Variants in HEPACAM observed in about 807,000 individuals in gnomAD.
HEPACAM encodes hepatocyte cell adhesion molecule.
In HEPACAM, 18 loss-of-function variants were observed where a neutral mutation model predicts 38.3. The observed-to-expected ratio is 0.47, with a 90% CI of 0.33 to 0.70. The LOEUF (loss-of-function observed/expected upper bound fraction) is 0.70, where lower values mean the gene tolerates loss of function less well. Ranked by LOEUF, HEPACAM falls within the 30% of genes least tolerant of loss-of-function variation. The pLI is 0.03. For synonymous variants in HEPACAM, 216 were observed against 243.1 expected (o/e 0.89, Z 1.04); for missense variants, 466 against 563.0 (o/e 0.83, Z 1.74).
chr11:124,923,002 G>A (rs1018019727), intron 4 of HEPACAM, among the ~76,000 whole-genome samples, 184 bp from the exon 5 acceptor site: 4 of 152,124 alleles, frequency 2.6e-5, no homozygotes, highest in Non-Finnish European at 4.4e-5. Context: ...TGTCACTAGC[G>A]TTGTGACTGT....
At chr11:124,925,548 T>C (rs1052833953) in intron 1 of HEPACAM, among the ~76,000 whole-genome samples, 1 of 152,094 alleles carries the variant, frequency 6.6e-6, no homozygotes, top group Non-Finnish European at 1.5e-5. Context: ...GGTGAGGAGA[T>C]GGAGAAAGCA....
chr11:124,920,677 GCAAAAA>G lies in HEPACAM; in HGVS notation c.*455_*460del, dbSNP rs1451019294. 1,953 of 106,822 alleles carry G rather than the reference GCAAAAA, an allele frequency of 0.018. 24 individuals are homozygous for G. The highest frequency in any genetic ancestry group is 0.02 in the Non-Finnish European group (1,664 of 82,382). The allele number at this position is 106,822 out of a possible 1,614,324, so 6.6% of individuals were successfully genotyped here. On this transcript the variant is annotated 3_prime_UTR_variant, in exon 7 of 7. Coordinates refer to ENST00000298251, the MANE Select transcript of HEPACAM (RefSeq NM_152722.5). Reference sequence around the variant, plus strand: ...AAAGTGGCCTCTCTAATCTGAACTTGCAAAAAAAAAAAAAAAAAAAAAAAAAAAAAA... The same window carrying G: ...AAAGTGGCCTCTCTAATCTGAACTTGAAAAAAAAAAAAAAAAAAAAAAAAA...
chr11:124,934,107 C>A lies in HEPACAM; in HGVS notation c.85+1815G>T, dbSNP rs75901929. On this transcript the variant is annotated intron_variant, in intron 1 of 6. Coordinates refer to ENST00000298251, the MANE Select transcript of HEPACAM (RefSeq NM_152722.5). ...CTCCAGGCTATGTGACATCTTCACA[C>A]GGAAGCCTCATAAGTATTTCAATCT... 4.4e-3 allele frequency among the ~76,000 whole-genome samples: 665 copies of A among 152,252 alleles called. 5 individuals are homozygous for A. The highest frequency in any genetic ancestry group is 0.015 in the African/African-American group (629 of 41,540).
At position 124,921,055 on chromosome 11, in the gene HEPACAM, C is replaced by G. The variant is rs774632092; in HGVS notation, c.*83G>C. 6.8e-7 allele frequency: 1 copy of G among 1,462,042 alleles called. No individual in the cohort carries two copies. Among genetic ancestry groups the G allele is most frequent in the Non-Finnish European group, 9.0e-7 (1 of 1,110,650 alleles). The allele number at this position is 1,462,042 out of a possible 1,614,324, so 90.6% of individuals were successfully genotyped here. Reference sequence around the variant, plus strand: ...GGACCTCCCCTCGTCCCCAGCGCGCCGCGCCCGGGCTTCCCAGCCCCAGCT... The same window carrying G: ...GGACCTCCCCTCGTCCCCAGCGCGCGGCGCCCGGGCTTCCCAGCCCCAGCT... On this transcript the variant is annotated 3_prime_UTR_variant, in exon 7 of 7. Transcript: ENST00000298251. This position sits in a 1 kb window ranked among gnomAD's most constrained non-coding sequence, Gnocchi z 4.6.
Position 124,927,445 on chromosome 11 carries a change from C to T in HEPACAM, c.86-2376G>A, listed in dbSNP as rs567149537. On this transcript the variant is annotated intron_variant, in intron 1 of 6. Transcript: ENST00000298251. ...GCAACCTCTGCCTCCCAGGATCCAG[C>T]GATCCTCCCACCTCAGCCTTCCAAG... Among the ~76,000 whole-genome samples the T allele has an allele frequency of 6.0e-5, 9 of 150,124 alleles. No homozygotes were observed. In the East Asian group the frequency reaches 7.9e-4, roughly 13 times the overall value.
chr11:124,922,244 T>G (rs1242953317), intron 6 of HEPACAM, 144 bp downstream of exon 6: 3 of 864,030 alleles, frequency 3.5e-6, no homozygotes, highest in Non-Finnish European at 6.0e-6. Context: ...TGGAAAAATT[T>G]TCTTCCTTGA....
At position 124,919,242 on chromosome 11, in the gene HEPACAM, C is replaced by A. The variant is rs1947090206; in HGVS notation, c.*1896G>T. ...CCTTGTTTATGTGGAATAAAGTTGT[C>A]ATTTCATTTCATCAAAAGTTTATTG... On this transcript the variant is annotated 3_prime_UTR_variant, in exon 7 of 7. Coordinates refer to ENST00000298251, the MANE Select transcript of HEPACAM (RefSeq NM_152722.5). The A allele has an allele frequency of 6.5e-6, 1 of 154,514 alleles. No homozygotes were observed. Among genetic ancestry groups the A allele is most frequent in the Admixed American group, 6.5e-5 (1 of 15,488 alleles). The allele number at this position is 154,514 out of a possible 1,614,324, so 9.6% of individuals were successfully genotyped here.
Position 124,927,510 on chromosome 11 carries a change from G to GTTTTTTTTTTTTTTTTTTTTT in HEPACAM, c.86-2442_86-2441insAAAAAAAAAAAAAAAAAAAAA, listed in dbSNP as rs763291809. Among the ~76,000 whole-genome samples, 12 of 99,190 alleles carry GTTTTTTTTTTTTTTTTTTTTT rather than the reference G, an allele frequency of 1.2e-4. 3 individuals carry two copies. Among genetic ancestry groups the GTTTTTTTTTTTTTTTTTTTTT allele is most frequent in the East Asian group, 8.9e-4 (2 of 2,238 alleles). 65.1% of individuals were successfully genotyped at this position (99,190 alleles called of 152,430 possible). ...GGCATGTGCCACTATGCCCAGCTAG[G>GTTTTTTTTTTTTTTTTTTTTT]TTTTTTTTTTTTGTTTTTTTTTTTT... is the stretch of plus-strand genomic sequence containing the variant. On this transcript the variant is annotated intron_variant, in intron 1 of 6. Coordinates refer to ENST00000298251, the MANE Select transcript of HEPACAM (RefSeq NM_152722.5).
chr11:124,935,249 A>G (rs1258485122), intron 1 of HEPACAM, among the ~76,000 whole-genome samples: 1 of 152,138 alleles, frequency 6.6e-6, no homozygotes, highest in African/African-American at 2.4e-5. Flanking sequence ...GCAGTTTAGT[A>G]AAATGATCTC....
At chr11:124,934,373 AG>A (rs1947317605) in intron 1 of HEPACAM, among the ~76,000 whole-genome samples, 1 of 151,796 alleles carries the variant, frequency 6.6e-6, no homozygotes, top group Admixed American at 6.6e-5. Flanking sequence ...CATACGTTGG[AG>A]TCCTAACCCC....
In HEPACAM at chr11:124,920,736, A is replaced by G; in HGVS notation, c.*402T>C. 1 of 1,015,574 alleles carries G rather than the reference A, an allele frequency of 9.8e-7. No individual in the cohort carries two copies. 62.9% of individuals were successfully genotyped at this position (1,015,574 alleles called of 1,614,324 possible). A position where few individuals can be genotyped will look rare whatever the true frequency, so the allele number is the denominator to read the frequency against. On this transcript the variant is annotated 3_prime_UTR_variant, in exon 7 of 7. Transcript: ENST00000298251. ...TGCCCCAGCACTCAGGCATTTGTTC[A>G]GAGGGAAGGGTGGTGGGTGGGAAAC...
chr11:124,922,684 T>C, intron 5 of HEPACAM, 61 bp downstream of exon 5: 1 of 1,614,222 alleles, frequency 6.2e-7, no homozygotes, highest in Non-Finnish European at 8.5e-7. Context: ...TTCTGCCTTT[T>C]CCCAGCAGCC....
chr11:124,925,004 C>T lies in HEPACAM; in HGVS notation c.151G>A (p.Ala51Thr). The T allele has an allele frequency of 6.2e-7, 1 of 1,607,586 alleles. No individual in the cohort carries two copies. The highest frequency in any genetic ancestry group is 8.5e-7 in the Non-Finnish European group (1 of 1,174,744). ...RLIHGTVGKS[A>T]LLSVQYSSTS... The stretch of plus-strand genomic sequence containing the variant: ...CTGCTGTACTGCACAGAAAGCAGAG[C>T]CGACTTCCCCACGGTGCCATGGATC... Residue 51 changes from alanine (A) to threonine (T), a missense_variant, in exon 2 of 7, where the codon GCT becomes ACT. By Grantham distance (58) the Ala-to-Thr change is moderately conservative. Transcript: ENST00000298251.
chr11:124,931,298 C>A (rs1264268315), intron 1 of HEPACAM, among the ~76,000 whole-genome samples: 1 of 152,106 alleles, frequency 6.6e-6, no homozygotes, highest in Non-Finnish European at 1.5e-5. Flanking sequence ...GCCTCAAACT[C>A]CTGGGCTCAA....
chr11:124,935,952 G>A lies in HEPACAM; in HGVS notation c.55C>T (p.Pro19Ser). Residue 19 changes from proline to serine, a missense_variant, in exon 1 of 7, where the codon CCT becomes TCT. Pro to Ser is a moderately conservative substitution (Grantham distance 74, BLOSUM62 -1). Coordinates refer to ENST00000298251, the MANE Select transcript of HEPACAM (RefSeq NM_152722.5). The part of the protein sequence containing the change: ...SRASRALRLA[P>S]FVYLLLIQTD... ...TGGATCAGAAGAAGGTAGACAAAAG[G>A]AGCAAGGCGCAGGGCCCTGGAGGCT... 1 of 1,614,010 alleles carries A rather than the reference G, an allele frequency of 6.2e-7. No individual in the cohort carries two copies. Among genetic ancestry groups the A allele is most frequent in the East Asian group, 2.2e-5 (1 of 44,860 alleles).
intron 1 of HEPACAM, among the ~76,000 whole-genome samples, 159 bp from the exon 2 acceptor site, chr11:124,925,228 C>A (rs868620500): frequency 3.3e-5 from 5 of 152,238 alleles, no homozygotes; most frequent in African/African-American, 4.8e-5. Flanking sequence ...TCTCCTCCCC[C>A]ACAGTAGCTC....
At chr11:124,928,335 G>A (rs1947243381) in intron 1 of HEPACAM, among the ~76,000 whole-genome samples, 1 of 152,174 alleles carries the variant, frequency 6.6e-6, no homozygotes, top group African/African-American at 2.4e-5. Flanking sequence ...CCCTGAGTAG[G>A]CAAATAGGCT....
rs1235390801 is a variant in HEPACAM at position 124,925,029 on chromosome 11, C to A, written c.126G>T (p.Leu42=). The A allele has an allele frequency of 6.2e-7, 1 of 1,604,820 alleles. No individual in the cohort carries two copies. Among genetic ancestry groups the A allele is most frequent in the Non-Finnish European group, 8.5e-7 (1 of 1,173,338 alleles). ...EGVNITSPVR[L]IHGTVGKSAL... is the part of the protein sequence containing the mutation. Reference sequence around the variant, plus strand: ...CCGACTTCCCCACGGTGCCATGGATCAGGCGCACGGGGCTGGTGATGTTCA... The same window carrying A: ...CCGACTTCCCCACGGTGCCATGGATAAGGCGCACGGGGCTGGTGATGTTCA... The change falls in exon 2 of 7, where the codon CTG becomes CTT. Residue 42 remains leucine, a synonymous_variant. Transcript: ENST00000298251.
intron 1 of HEPACAM, among the ~76,000 whole-genome samples, chr11:124,930,577 CT>C (rs1361619292): frequency 6.6e-6 from 1 of 152,176 alleles, no homozygotes; most frequent in Non-Finnish European, 1.5e-5. Context: ...GGAAAAATCA[CT>C]CTTGTTAAGC....
Sources: allele counts gnomAD v4.1 joint callset (sites outside exome capture counted in the v4.1 genomes callset), GRCh38; gene constraint gnomAD v4.1.1; non-coding constraint Gnocchi (gnomAD v3.1); transcripts MANE v1.5; gene names NCBI Gene and HGNC (gene_info 2026-07-23, HGNC 2026-07-21).